NPY1R: variants seen among roughly 807,000 people sequenced by gnomAD.
NPY1R encodes neuropeptide Y receptor type 1.
Under a neutral mutation model 24.1 loss-of-function variants are expected in NPY1R, and 10 were observed. That is an observed-to-expected ratio of 0.42 (90% CI 0.26 to 0.71). The LOEUF (loss-of-function observed/expected upper bound fraction) is 0.71. NPY1R is among the 30% of genes least tolerant of loss of function. NPY1R has a pLI of 0.28. For synonymous variants in NPY1R, 168 were observed against 165.9 expected (o/e 1.01, Z -0.10); for missense variants, 350 against 458.0 (o/e 0.76, Z 2.15).
chr4:163,333,491 A>G (rs1274388369), upstream of NPY1R, among the ~76,000 whole-genome samples: 1 of 151,842 alleles, frequency 6.6e-6, no homozygotes, highest in African/African-American at 2.4e-5. Context: ...CACACAAATT[A>G]TGTAGACGAT....
At chr4:163,333,511 C>T (rs1212945520), upstream of NPY1R, among the ~76,000 whole-genome samples, 2 of 151,852 alleles carry the variant, frequency 1.3e-5, no homozygotes, top group African/African-American at 2.4e-5. Context: ...TGAACTGATG[C>T]AAATGAGTAG....
intron 1 of NPY1R, among the ~76,000 whole-genome samples, chr4:163,330,277 C>T (rs1429185303): frequency 6.6e-6 from 1 of 152,142 alleles, no homozygotes; most frequent in Non-Finnish European, 1.5e-5. Flanking sequence ...GAAGCTCTAG[C>T]CTGATACCTT....
chr4:163,330,309 T>C (rs1734698693), intron 1 of NPY1R, among the ~76,000 whole-genome samples: 1 of 152,224 alleles, frequency 6.6e-6, no homozygotes, highest in Non-Finnish European at 1.5e-5. Flanking sequence ...TTAATAGGCA[T>C]GCCCAATGAG....
chr4:163,330,664 C>T (rs1433527670), intron 1 of NPY1R: 1 of 152,220 alleles, frequency 6.6e-6, no homozygotes, highest in African/African-American at 2.4e-5. Context: ...AGTGTAGCTG[C>T]CATGTGCATA....
Position 163,325,632 on chromosome 4 carries a change from A to G in NPY1R, c.826T>C (p.Trp276Arg). The G allele has an allele frequency of 6.2e-7, 1 of 1,611,450 alleles. No homozygotes were observed. Among genetic ancestry groups the G allele is most frequent in the Non-Finnish European group, 8.5e-7 (1 of 1,179,926 alleles). Residue 276 changes from tryptophan to arginine, a missense_variant, in exon 3 of 3, where the codon TGG (tryptophan) becomes CGG (arginine). Transcript: ENST00000296533. ...LSIVVAFAVC[W>R]LPLTIFNTVF... ...GTGTTAAAGATGGTAAGAGGGAGCC[A>G]GCAGACTGCAAATGCTACCACAATG...
At chr4:163,327,302 G>A (rs558097253) in intron 1 of NPY1R, among the ~76,000 whole-genome samples, 20 of 152,088 alleles carry the variant, frequency 1.3e-4, no homozygotes, top group Non-Finnish European at 2.2e-4. Context: ...TGTTTAATCC[G>A]GAAAATACTT....
Position 163,326,405 on chromosome 4 carries a change from C to A in NPY1R, c.150G>T (p.Val50=), listed in dbSNP as rs910871797. 8 of 1,614,090 alleles carry A rather than the reference C, an allele frequency of 5.0e-6. No individual in the cohort carries two copies. The highest frequency in any genetic ancestry group is 6.8e-6 in the Non-Finnish European group (8 of 1,179,950). ...IFTLALAYGA[V]IILGVSGNLA... ...GGTTTCCAGAGACACCAAGAATGAT[C>A]ACAGCTCCATAAGCAAGAGCTAAGG... is the stretch of plus-strand genomic sequence containing the variant. The change falls in exon 2 of 3, where the codon GTG becomes GTT. Residue 50 remains valine, a synonymous_variant. Coordinates refer to ENST00000296533, the MANE Select transcript of NPY1R (RefSeq NM_000909.6).
intron 1 of NPY1R, among the ~76,000 whole-genome samples, chr4:163,338,594 A>C (rs2110815627): frequency 6.6e-6 from 1 of 150,546 alleles, no homozygotes; most frequent in South Asian, 2.2e-4. Context: ...CTGTCATGCA[A>C]CCTCCTGCAA....
Position 163,325,239 on chromosome 4 carries a change from G to T in NPY1R, c.*64C>A. The T allele has an allele frequency of 8.9e-7, 1 of 1,118,818 alleles. No homozygotes were observed. The highest frequency in any genetic ancestry group is 1.3e-6 in the Non-Finnish European group (1 of 769,232). The allele number at this position is 1,118,818 out of a possible 1,614,324, so 69.3% of individuals were successfully genotyped here. A position where few individuals can be genotyped will look rare whatever the true frequency, so the allele number is the denominator to read the frequency against. On this transcript the variant is annotated 3_prime_UTR_variant, in exon 3 of 3. Coordinates refer to ENST00000296533, the MANE Select transcript of NPY1R (RefSeq NM_000909.6). The stretch of plus-strand genomic sequence containing the variant: ...TTCCTTGGGAGAACAGGTAATCAAA[G>T]TATGTTGCAGGTTGTGCTTGTTTTT...
At chr4:163,337,521 A>C (rs1426945417), upstream of NPY1R, among the ~76,000 whole-genome samples, 3 of 151,958 alleles carry the variant, frequency 2.0e-5, no homozygotes, top group Non-Finnish European at 4.4e-5. Flanking sequence ...AGCTGTTTCA[A>C]CCCCAGGCTT....
chr4:163,332,445 G>T (rs1450224822), intron 1 of NPY1R, 37 bp downstream of exon 1: 1 of 152,150 alleles, frequency 6.6e-6, no homozygotes, highest in African/African-American at 2.4e-5. Context: ...GAGAGATTTC[G>T]CAGAAGTCTC....
At chr4:163,339,647 A>T (rs1349177117) in intron 1 of NPY1R, among the ~76,000 whole-genome samples, 1 of 152,220 alleles carries the variant, frequency 6.6e-6, no homozygotes, top group Admixed American at 6.5e-5. Context: ...CCATTTGTTC[A>T]TCTCAAACAT....
chr4:163,333,379 G>A (rs1340927336), upstream of NPY1R, among the ~76,000 whole-genome samples: 1 of 152,006 alleles, frequency 6.6e-6, no homozygotes, highest in African/African-American at 2.4e-5. Flanking sequence ...CATGGTGCCC[G>A]ATGATTCAGG....
At chr4:163,342,802 G>A (rs1198449426) in intron 1 of NPY1R, among the ~76,000 whole-genome samples, 1 of 151,396 alleles carries the variant, frequency 6.6e-6, no homozygotes, top group African/African-American at 2.4e-5. Flanking sequence ...GTTCTCTTCG[G>A]TTTATCCCAC....
upstream of NPY1R, among the ~76,000 whole-genome samples, chr4:163,336,822 A>C (rs538222506): frequency 1.3e-5 from 2 of 152,238 alleles, no homozygotes; most frequent in East Asian, 3.9e-4. Flanking sequence ...TCAGCCAGGC[A>C]TGGTGGCATG....
intron 1 of NPY1R, among the ~76,000 whole-genome samples, chr4:163,340,307 T>TAC (rs1172766517): frequency 6.6e-6 from 1 of 150,668 alleles, no homozygotes; most frequent in East Asian, 1.9e-4. Flanking sequence ...TCTCTTCTTG[T>TAC]ACATATATAT....
At chr4:163,336,432 T>C (rs1195505458), upstream of NPY1R, among the ~76,000 whole-genome samples, 1 of 152,296 alleles carries the variant, frequency 6.6e-6, no homozygotes, top group East Asian at 1.9e-4. Flanking sequence ...TCATATATTC[T>C]TTTGAAGAGA....
At chr4:163,342,292 G>T (rs1326950977) in intron 1 of NPY1R, among the ~76,000 whole-genome samples, 1 of 152,074 alleles carries the variant, frequency 6.6e-6, no homozygotes, top group Non-Finnish European at 1.5e-5. Flanking sequence ...GTCACAATGG[G>T]GTTCACTTGG....
chr4:163,339,716 C>T (rs557696075), intron 1 of NPY1R, among the ~76,000 whole-genome samples: 4 of 152,162 alleles, frequency 2.6e-5, no homozygotes, highest in Non-Finnish European at 4.4e-5. Context: ...TATGCATATA[C>T]ATTTTATGCA....
Sources: gnomAD v4.1 joint callset for allele counts (sites outside exome capture counted in the v4.1 genomes callset) on GRCh38, gnomAD v4.1.1 for gene constraint, MANE v1.5 for transcripts, NCBI Gene and HGNC (gene_info 2026-07-23, HGNC 2026-07-21) for gene names.